The following KLHL29 variants were observed in gnomAD, a reference collection of about 807,000 sequenced individuals.
KLHL29 encodes kelch like family member 29.
KLHL29 carries 21 observed loss-of-function variants against 80.4 expected under a neutral mutation model. That is an observed-to-expected ratio of 0.26 (90% CI 0.19 to 0.38). The LOEUF (loss-of-function observed/expected upper bound fraction) is 0.38, where lower values mean the gene tolerates loss of function less well. Ranked by LOEUF, KLHL29 falls within the 10% of genes least tolerant of loss-of-function variation. The pLI is 1.00. For missense variants in KLHL29, 867 were observed against 1,223.9 expected (o/e 0.71, Z 4.35); for synonymous variants, 511 against 526.8 (o/e 0.97, Z 0.41).
chr2:23,694,343 TG>T (rs1671810877), intron 8 of KLHL29, among the ~76,000 whole-genome samples: 1 of 152,222 alleles, frequency 6.6e-6, no homozygotes, highest in Non-Finnish European at 1.5e-5. Context: ...CCCCTTTAAG[TG>T]GATCGACTTC....
intron 5 of KLHL29, chr2:23,667,687 A>T (rs1442917428): frequency 6.5e-6 from 1 of 152,690 alleles, no homozygotes; most frequent in Non-Finnish European, 1.5e-5. Context: ...CCTGCCACCC[A>T]GGGCCCTGGA....
intron 5 of KLHL29, among the ~76,000 whole-genome samples, chr2:23,653,173 C>T (rs375826930): frequency 2.0e-5 from 3 of 152,166 alleles, no homozygotes; most frequent in African/African-American, 7.2e-5. Flanking sequence ...TAGGATGCTA[C>T]CTACAGTCAG....
At chr2:23,499,400 T>TA (rs1443448749) in intron 2 of KLHL29, among the ~76,000 whole-genome samples, 2 of 152,084 alleles carry the variant, frequency 1.3e-5, no homozygotes, top group African/African-American at 4.8e-5. Context: ...GCATTGAAAA[T>TA]ACCTGGCTTC....
At chr2:23,657,276 G>A (rs747553949) in intron 5 of KLHL29, among the ~76,000 whole-genome samples, 42 of 152,330 alleles carry the variant, frequency 2.8e-4, no homozygotes, top group South Asian at 1.0e-3. Context: ...TTCTGAGGAC[G>A]AAGGCAGTTC....
chr2:23,591,939 TC>T (rs1668273564), intron 3 of KLHL29, among the ~76,000 whole-genome samples: 1 of 152,266 alleles, frequency 6.6e-6, no homozygotes, highest in African/African-American at 2.4e-5. Context: ...ACCATCTCTT[TC>T]CTGAAGTCTT....
At chr2:23,640,066 G>C (rs947197705) in intron 4 of KLHL29, among the ~76,000 whole-genome samples, 8 of 152,162 alleles carry the variant, frequency 5.3e-5, no homozygotes, top group African/African-American at 1.9e-4. Context: ...GTCACATGCT[G>C]CTTCAACAGC....
chr2:23,631,036 T>C (rs535381471), intron 3 of KLHL29, among the ~76,000 whole-genome samples: 2 of 152,264 alleles, frequency 1.3e-5, no homozygotes, highest in South Asian at 4.1e-4. Flanking sequence ...CTTAAAGTAT[T>C]TACAGATGAC....
chr2:23,385,606 G>T lies in KLHL29; in HGVS notation c.-328G>T. On this transcript the variant is annotated 5_prime_UTR_variant, in exon 1 of 14. Transcript: ENST00000486442. The stretch of plus-strand genomic sequence containing the variant: ...GGAGGAGGAGGAACGAGGGGAGAAG[G>T]CGGAGAGCAGGAACGCGAGGAGGAG... 1 of 167,804 alleles carries T rather than the reference G, an allele frequency of 6.0e-6. No individual in the cohort carries two copies. The highest frequency in any genetic ancestry group is 1.9e-4 in the South Asian group (1 of 5,394). 10.4% of individuals were successfully genotyped at this position (167,804 alleles called of 1,614,324 possible).
At chr2:23,395,517 T>A (rs2723148) in intron 1 of KLHL29, among the ~76,000 whole-genome samples, 5 of 151,994 alleles carry the variant, frequency 3.3e-5, no homozygotes, top group Non-Finnish European at 5.9e-5. Flanking sequence ...GAGGCCGAGG[T>A]GGGCGGATCA....
Position 23,680,424 on chromosome 2 carries a change from C to T in KLHL29, c.941-3975C>T, listed in dbSNP as rs1307131690. On this transcript the variant is annotated intron_variant, in intron 5 of 13. Transcript: ENST00000486442. The surrounding 1 kb of genome is among the most constrained non-coding windows in gnomAD (Gnocchi z 4.1). ...AATCTGAGCATGGGGAAGCCACTTC[C>T]GTGAGCAAGGCCAGGGTGTGCAGTC... is the stretch of plus-strand genomic sequence containing the variant. Among the ~76,000 whole-genome samples the T allele has an allele frequency of 1.3e-5, 2 of 152,176 alleles. No individual in the cohort carries two copies. Among genetic ancestry groups the T allele is most frequent in the African/African-American group, 2.4e-5 (1 of 41,444 alleles).
At chr2:23,453,197 C>T (rs1663940693) in intron 1 of KLHL29, among the ~76,000 whole-genome samples, 1 of 152,024 alleles carries the variant, frequency 6.6e-6, no homozygotes, top group Non-Finnish European at 1.5e-5. Flanking sequence ...TAGACAGTGT[C>T]TCTGAAAATT....
intron 3 of KLHL29, among the ~76,000 whole-genome samples, chr2:23,636,024 C>T (rs1205123892): frequency 6.6e-6 from 1 of 152,204 alleles, no homozygotes; most frequent in African/African-American, 2.4e-5. Flanking sequence ...CATTCTGAAC[C>T]ATGGGAGGAA....
At chr2:23,643,412 C>T (rs757238755) in intron 5 of KLHL29, 2 of 176,892 alleles carry the variant, frequency 1.1e-5, no homozygotes, top group Non-Finnish European at 2.4e-5. Context: ...TTTCAAGGAT[C>T]CAGGGGTGGC....
intron 3 of KLHL29, among the ~76,000 whole-genome samples, chr2:23,577,750 A>C (rs1358039300): frequency 6.8e-6 from 1 of 147,468 alleles, no homozygotes; most frequent in East Asian, 1.9e-4. Context: ...CTTCATCTCA[A>C]AAAAAAAAAA....
intron 3 of KLHL29, among the ~76,000 whole-genome samples, chr2:23,597,403 ATATATTTTTTTTTTTTTT>A (rs1668451826): frequency 1.0e-4 from 4 of 39,758 alleles, no homozygotes; most frequent in Non-Finnish European, 1.9e-4. Context: ...ATATATATAT[ATATATTTTTTTTTTTTTT>A]TTTTTTTTTT....
In KLHL29 at chr2:23,680,260, G is replaced by A. The variant is rs1189016073; in HGVS notation, c.941-4139G>A. Among the ~76,000 whole-genome samples the A allele has an allele frequency of 6.6e-6, 1 of 152,128 alleles. No homozygotes were observed. Among genetic ancestry groups the A allele is most frequent in the Admixed American group, 6.5e-5 (1 of 15,280 alleles). On this transcript the variant is annotated intron_variant, in intron 5 of 13. Transcript: ENST00000486442. The surrounding 1 kb of genome is among the most constrained non-coding windows in gnomAD (Gnocchi z 4.1). Reference sequence around the variant, plus strand: ...TGGGACTTGGTGTGATGAGGGAGGGGAGGAGTCTGGGGAAGGCCTGCGGAT... The same window carrying A: ...TGGGACTTGGTGTGATGAGGGAGGGAAGGAGTCTGGGGAAGGCCTGCGGAT...
Position 23,434,093 on chromosome 2 carries a change from G to A in KLHL29, c.-153-41467G>A, listed in dbSNP as rs182193391. Among the ~76,000 whole-genome samples, 492 of 151,946 alleles carry A rather than the reference G, an allele frequency of 3.2e-3. 2 individuals carry two copies. Among genetic ancestry groups the A allele is most frequent in the African/African-American group, 0.012 (477 of 41,462 alleles). Reference sequence around the variant, plus strand: ...TCCCAGCACTTTGGGAGGCCGAGACGGGCGGATCACGAGGTCAGGAGATCG... The same window carrying A: ...TCCCAGCACTTTGGGAGGCCGAGACAGGCGGATCACGAGGTCAGGAGATCG... On this transcript the variant is annotated intron_variant, in intron 1 of 13. Transcript: ENST00000486442.
chr2:23,639,977 G>A (rs1206978080), intron 4 of KLHL29, among the ~76,000 whole-genome samples: 1 of 152,140 alleles, frequency 6.6e-6, no homozygotes, highest in Admixed American at 6.5e-5. Flanking sequence ...AAGTGCAGTG[G>A]CCAGAACTCA....
chr2:23,436,899 A>G (rs561612961), intron 1 of KLHL29, among the ~76,000 whole-genome samples: 1 of 152,204 alleles, frequency 6.6e-6, no homozygotes, highest in Non-Finnish European at 1.5e-5. Flanking sequence ...TGCTAGGAGC[A>G]TTGCAGACCA....
Sources: gnomAD v4.1 joint callset for allele counts (sites outside exome capture counted in the v4.1 genomes callset) on GRCh38, gnomAD v4.1.1 for gene constraint, Gnocchi (gnomAD v3.1) non-coding constraint, MANE v1.5 for transcripts, NCBI Gene and HGNC (gene_info 2026-07-23, HGNC 2026-07-21) for gene names.